Variants in AOPEP observed in about 807,000 individuals in gnomAD.
AOPEP encodes aminopeptidase O (putative).
A neutral mutation model predicts 98.1 loss-of-function variants in AOPEP; 77 were observed. That is an observed-to-expected ratio of 0.78 (90% CI 0.65 to 0.95). The LOEUF (loss-of-function observed/expected upper bound fraction) is 0.95. AOPEP is among the 40% of genes least tolerant of loss of function. AOPEP has a pLI of 0.00. For missense variants in AOPEP, 1,024 were observed against 1,024.7 expected (o/e 1.00, Z 0.01); for synonymous variants, 346 against 365.3 (o/e 0.95, Z 0.60).
the AOPEP span, among the ~76,000 whole-genome samples, chr9:95,130,993 T>G: frequency 6.6e-6 from 1 of 152,248 alleles, no homozygotes; most frequent in African/African-American, 2.4e-5. Context: ...TTTTACATTT[T>G]CAGATCTATT....
Position 94,921,525 on chromosome 9 carries a change from C to T in AOPEP, c.1365-2461C>T, listed in dbSNP as rs567234280. On this transcript the variant is annotated intron_variant, in intron 5 of 16. Transcript: ENST00000375315. ...GAGGTTAAATCTACTTAACATGAGA[C>T]GTTCAGACATTTAGTGCCCAAGGGA... 1.2e-4 allele frequency among the ~76,000 whole-genome samples: 18 copies of T among 152,330 alleles called. No homozygotes were observed. In the East Asian group the frequency reaches 2.5e-3, roughly 21 times the overall value.
intron 1 of AOPEP, among the ~76,000 whole-genome samples, chr9:94,749,052 C>T (rs773675485): frequency 2.0e-5 from 3 of 152,218 alleles, no homozygotes; most frequent in African/African-American, 7.2e-5. Context: ...ATATCTACAT[C>T]GATTTTTTGG....
At chr9:95,140,199 T>G in the AOPEP span, among the ~76,000 whole-genome samples, 2 of 152,260 alleles carry the variant, frequency 1.3e-5, no homozygotes, top group Non-Finnish European at 2.9e-5. Context: ...TAATGAGCAG[T>G]AGGCTTCCAG....
chr9:94,856,759 A>G (rs973750779), intron 5 of AOPEP, among the ~76,000 whole-genome samples: 4 of 152,192 alleles, frequency 2.6e-5, no homozygotes, highest in Non-Finnish European at 5.9e-5. Context: ...GGATAGATTC[A>G]TAGTGCTTAA....
intron 13 of AOPEP, among the ~76,000 whole-genome samples, chr9:95,044,990 A>AG (rs957869081): frequency 2.4e-4 from 37 of 152,180 alleles, no homozygotes; most frequent in African/African-American, 8.2e-4. Flanking sequence ...CGTGGGGAAG[A>AG]GGGTGGCCCA....
intron 5 of AOPEP, among the ~76,000 whole-genome samples, chr9:94,902,462 G>A (rs1020151565): frequency 6.6e-6 from 1 of 152,148 alleles, no homozygotes; most frequent in African/African-American, 2.4e-5. Flanking sequence ...GCATAAGAAT[G>A]TATTGTATCC....
intron 3 of AOPEP, among the ~76,000 whole-genome samples, chr9:94,778,127 T>A (rs1842553612): frequency 1.3e-5 from 2 of 152,116 alleles, no homozygotes; most frequent in Non-Finnish European, 2.9e-5. Flanking sequence ...AGGGCTAAAA[T>A]TAAAAGGACA....
intron 1 of AOPEP, among the ~76,000 whole-genome samples, chr9:94,754,392 C>G (rs1435299696): frequency 6.6e-6 from 1 of 152,168 alleles, no homozygotes; most frequent in African/African-American, 2.4e-5. Context: ...AGTAACTACT[C>G]AACAGTGTGC....
At chr9:94,967,593 C>T (rs1288908724) in intron 9 of AOPEP, among the ~76,000 whole-genome samples, 165 bp from the exon 10 acceptor site, 1 of 151,994 alleles carries the variant, frequency 6.6e-6, no homozygotes, top group Non-Finnish European at 1.5e-5. Flanking sequence ...CGATTGAAAC[C>T]CTGGGAAATT....
In AOPEP at chr9:94,980,735, G is replaced by A. The variant is rs565275693; in HGVS notation, c.1977+1308G>A. On this transcript the variant is annotated intron_variant, in intron 11 of 16. Transcript: ENST00000375315. The surrounding 1 kb of genome is among the most constrained non-coding windows in gnomAD (Gnocchi z 4.3). ...GACCAGGGGTAGGACAAGGCAGTGC[G>A]TGGTTGGGGGCAGCGCCTTTCACTC... 2.0e-5 allele frequency among the ~76,000 whole-genome samples: 3 copies of A among 152,364 alleles called. No individual in the cohort carries two copies. The highest frequency in any genetic ancestry group is 4.8e-5 in the African/African-American group (2 of 41,592).
chr9:94,893,377 C>T (rs1278616198), intron 5 of AOPEP, among the ~76,000 whole-genome samples: 2 of 151,780 alleles, frequency 1.3e-5, no homozygotes, highest in African/African-American at 2.4e-5. Context: ...AGTGAGGGCA[C>T]GGGAGGAGTG....
rs1042485943 is a variant in AOPEP, at chr9:94,752,805, C to T, written c.-135-6844C>T. Among the ~76,000 whole-genome samples the T allele has an allele frequency of 4.6e-5, 7 of 152,146 alleles. No homozygotes were observed. In the East Asian group the frequency reaches 1.3e-3, roughly 29 times the overall value. On this transcript the variant is annotated intron_variant, in intron 1 of 16. Transcript: ENST00000375315. The stretch of plus-strand genomic sequence containing the variant: ...CCCCTCTCCTTGAATCTGGATTGGC[C>T]TTATGAGTTTGCACCTGAAAGCAAT...
At chr9:94,729,502 G>A (rs1830013119) in intron 1 of AOPEP, among the ~76,000 whole-genome samples, 1 of 151,908 alleles carries the variant, frequency 6.6e-6, no homozygotes, top group Non-Finnish European at 1.5e-5. Flanking sequence ...GAGCCCAGCA[G>A]GTCGAGGCTG....
At chr9:94,862,200 A>G (rs1451425856) in intron 5 of AOPEP, among the ~76,000 whole-genome samples, 2 of 152,204 alleles carry the variant, frequency 1.3e-5, no homozygotes, top group Admixed American at 6.5e-5. Flanking sequence ...TGCCTGTTGC[A>G]TAGTAAAAAG....
At chr9:94,961,568 A>G (rs556154193) in intron 9 of AOPEP, among the ~76,000 whole-genome samples, 20 of 152,100 alleles carry the variant, frequency 1.3e-4, no homozygotes, top group Non-Finnish European at 2.4e-4. Flanking sequence ...CTTTTCCTTG[A>G]CGTTTCTATT....
At chr9:94,769,553 G>A (rs1840387662) in intron 2 of AOPEP, among the ~76,000 whole-genome samples, 1 of 152,184 alleles carries the variant, frequency 6.6e-6, no homozygotes, top group Non-Finnish European at 1.5e-5. Context: ...ATGTGATTGA[G>A]TCTCCTATCA....
chr9:95,066,714 T>C (rs1035201339), intron 14 of AOPEP, among the ~76,000 whole-genome samples: 1 of 152,182 alleles, frequency 6.6e-6, no homozygotes, highest in African/African-American at 2.4e-5. Flanking sequence ...GTATAGATTT[T>C]CTCAGAAAGA....
chr9:95,104,968 C>T, the AOPEP span, among the ~76,000 whole-genome samples: 5 of 152,216 alleles, frequency 3.3e-5, no homozygotes, highest in African/African-American at 9.7e-5. Context: ...TGGCTTATTT[C>T]GCTCAGTGTA....
chr9:94,994,857 A>G (rs1352314118), intron 11 of AOPEP, among the ~76,000 whole-genome samples: 1 of 152,168 alleles, frequency 6.6e-6, no homozygotes, highest in Non-Finnish European at 1.5e-5. Flanking sequence ...AGGCTGAGGC[A>G]AGAGAATTGT....
Sources: gnomAD v4.1 joint callset for allele counts (sites outside exome capture counted in the v4.1 genomes callset) on GRCh38, gnomAD v4.1.1 for gene constraint, Gnocchi (gnomAD v3.1) non-coding constraint, MANE v1.5 for transcripts, NCBI Gene and HGNC (gene_info 2026-07-23, HGNC 2026-07-21) for gene names.